Variants in TMBIM4 observed in about 807,000 individuals in gnomAD.
The protein encoded by TMBIM4 is transmembrane BAX inhibitor motif containing 4.
In TMBIM4, 28 loss-of-function variants were observed where a neutral mutation model predicts 27.7. The observed-to-expected ratio is 1.01, with a 90% CI of 0.75 to 1.38. The LOEUF (loss-of-function observed/expected upper bound fraction) is 1.38, where lower values mean the gene tolerates loss of function less well. TMBIM4 is among the 40% of genes most tolerant of loss of function. The pLI, the probability that TMBIM4 is intolerant of heterozygous loss-of-function variation, is 0.00. For missense variants in TMBIM4, 265 were observed against 277.5 expected (o/e 0.95, Z 0.32); for synonymous variants, 115 against 113.1 (o/e 1.02, Z -0.11).
chr12:66,157,372 A>C (rs1047064389), intron 1 of TMBIM4, among the ~76,000 whole-genome samples: 1 of 152,170 alleles, frequency 6.6e-6, no homozygotes, highest in Non-Finnish European at 1.5e-5. Context: ...CTTCACCCCC[A>C]GTCAAGCCTC....
rs181005946 is a variant in TMBIM4, at chr12:66,153,224, C to T, written c.206+116G>A. Reference sequence around the variant, plus strand: ...AATCAGGCTTATAAGAGTAAATGAACCTTTTTTACATTTTAACCTCAAAAG... The same window carrying T: ...AATCAGGCTTATAAGAGTAAATGAATCTTTTTTACATTTTAACCTCAAAAG... On this transcript the variant is annotated intron_variant, in intron 2 of 6. Transcript: ENST00000358230. 1.2e-5 allele frequency: 8 copies of T among 659,120 alleles called. No individual in the cohort carries two copies. In the East Asian group the frequency reaches 1.9e-4, roughly 15 times the overall value. The allele number at this position is 659,120 out of a possible 1,614,324, so 40.8% of individuals were successfully genotyped here.
chr12:66,148,923 T>C (rs1313548723), intron 3 of TMBIM4, among the ~76,000 whole-genome samples: 3 of 152,156 alleles, frequency 2.0e-5, no homozygotes, highest in Non-Finnish European at 2.9e-5. Flanking sequence ...AATCATCTGA[T>C]AGACCATATC....
intron 3 of TMBIM4, among the ~76,000 whole-genome samples, chr12:66,151,447 C>T (rs2051843872): frequency 6.6e-6 from 1 of 151,580 alleles, no homozygotes; most frequent in Non-Finnish European, 1.5e-5. Context: ...CTATGTTGCC[C>T]AGGCTGGTCT....
At chr12:66,144,791 CACAG>C (rs2051724859) in intron 5 of TMBIM4, 1 of 152,106 alleles carries the variant, frequency 6.6e-6, no homozygotes, top group African/African-American at 2.4e-5. Flanking sequence ...AAACAGCAGA[CACAG>C]ACAGACGCAC....
intron 1 of TMBIM4, among the ~76,000 whole-genome samples, chr12:66,165,597 T>C (rs2052112953): frequency 6.6e-6 from 1 of 152,176 alleles, no homozygotes; most frequent in Non-Finnish European, 1.5e-5. Context: ...GAATCTTCTT[T>C]AGTGGGGTAT....
chr12:66,146,014 C>T, intron 4 of TMBIM4, 56 bp from the exon 5 acceptor site: 1 of 877,656 alleles, frequency 1.1e-6, no homozygotes, highest in Non-Finnish European at 1.8e-6. Flanking sequence ...TACAAAACAG[C>T]TTTTTCTGGC....
chr12:66,141,074 A>C (rs1306054938), intron 5 of TMBIM4, among the ~76,000 whole-genome samples: 1 of 152,134 alleles, frequency 6.6e-6, no homozygotes, highest in Non-Finnish European at 1.5e-5. Flanking sequence ...GGTTTTTTTC[A>C]GACACAAAAG....
intron 2 of TMBIM4, 119 bp downstream of exon 2, chr12:66,153,221 G>T: frequency 1.5e-6 from 1 of 649,032 alleles, no homozygotes; most frequent in Non-Finnish European, 2.7e-6. Flanking sequence ...AAGAGTAAAT[G>T]AACCTTTTTT....
At position 66,138,714 on chromosome 12, in the gene TMBIM4, C is replaced by T. The variant is rs751014914; in HGVS notation, c.510+10G>A. ...TTATATTTCAAATTAACCATTATAACATAACTTACCTTCAAGAATCCTGAC... is the reference window on the plus strand; with the variant it reads ...TTATATTTCAAATTAACCATTATAATATAACTTACCTTCAAGAATCCTGAC... On this transcript the variant is annotated intron_variant, in intron 6 of 6. Coordinates refer to ENST00000358230, the MANE Select transcript of TMBIM4 (RefSeq NM_016056.4). 3.4e-5 allele frequency: 53 copies of T among 1,543,634 alleles called. 1 individual carries two copies. In the South Asian group the frequency reaches 5.0e-4, roughly 14 times the overall value.
chr12:66,156,205 C>T (rs922781677), intron 1 of TMBIM4, among the ~76,000 whole-genome samples: 2 of 152,086 alleles, frequency 1.3e-5, no homozygotes, highest in Admixed American at 6.5e-5. Flanking sequence ...CAAGATTTTC[C>T]AATTTTTGTT....
At chr12:66,150,088 G>A (rs2051820046) in intron 3 of TMBIM4, among the ~76,000 whole-genome samples, 1 of 152,192 alleles carries the variant, frequency 6.6e-6, no homozygotes, top group African/African-American at 2.4e-5. Flanking sequence ...TTGCCTATAA[G>A]CATTTGGTTG....
Position 66,153,346 on chromosome 12 carries a change from T to G in TMBIM4, c.200A>C (p.His67Pro). 1.3e-6 allele frequency: 2 copies of G among 1,545,032 alleles called. No individual in the cohort carries two copies. The highest frequency in any genetic ancestry group is 1.2e-5 in the South Asian group (1 of 84,930). The change falls in exon 2 of 7, where the codon CAT (histidine) becomes CCT (proline). Residue 67 changes from histidine (H) to proline (P), a missense_variant. His to Pro is a moderately conservative substitution (Grantham distance 77, BLOSUM62 -2). Coordinates refer to ENST00000358230, the MANE Select transcript of TMBIM4 (RefSeq NM_016056.4). ...LYFESVRTFVHESPALILLFA... is the reference protein window; with the variant it reads ...LYFESVRTFVPESPALILLFA... ...TACCATCTCATTACCTTACCTCTCA[T>G]GTACAAATGTCCGTACAGACTCAAA...
At chr12:66,162,327 T>C (rs922597084) in intron 1 of TMBIM4, among the ~76,000 whole-genome samples, 5 of 152,264 alleles carry the variant, frequency 3.3e-5, no homozygotes, top group Non-Finnish European at 5.9e-5. Flanking sequence ...TATTATAGTA[T>C]ATTGTTATAT....
intron 1 of TMBIM4, among the ~76,000 whole-genome samples, chr12:66,162,812 T>C (rs753406026): frequency 6.6e-6 from 1 of 152,072 alleles, no homozygotes; most frequent in Non-Finnish European, 1.5e-5. Context: ...TTTGTCTCTT[T>C]ATTTTGTTTT....
At position 66,137,919 on chromosome 12, in the gene TMBIM4, A is replaced by AT. The variant is rs759325116; in HGVS notation, c.*40dup. The AT allele has an allele frequency of 2.9e-5, 45 of 1,556,188 alleles. No individual in the cohort carries two copies. Among genetic ancestry groups the AT allele is most frequent in the East Asian group, 1.1e-4 (5 of 44,486 alleles). Reference sequence around the variant, plus strand: ...TACTTTAATCCTTTTTTCTCATTAAATTTTTTTTGTTGTTCTTCAGTTGAG... The same window carrying AT: ...TACTTTAATCCTTTTTTCTCATTAAATTTTTTTTTGTTGTTCTTCAGTTGAG... On this transcript the variant is annotated 3_prime_UTR_variant, in exon 7 of 7. Coordinates refer to ENST00000358230, the MANE Select transcript of TMBIM4 (RefSeq NM_016056.4).
chr12:66,144,780 G>A (rs1019851229), intron 5 of TMBIM4: 1 of 152,146 alleles, frequency 6.6e-6, no homozygotes, highest in African/African-American at 2.4e-5. Context: ...AGAATTATCA[G>A]AAACAGCAGA....
chr12:66,141,108 G>A (rs1410424402), intron 5 of TMBIM4, among the ~76,000 whole-genome samples: 3 of 151,944 alleles, frequency 2.0e-5, no homozygotes, highest in Non-Finnish European at 4.4e-5. Flanking sequence ...AATAAGAAAT[G>A]TTAAAAAGAA....
intron 3 of TMBIM4, among the ~76,000 whole-genome samples, chr12:66,148,335 T>G (rs2051785732): frequency 1.3e-5 from 2 of 152,220 alleles, no homozygotes. Flanking sequence ...AGTACTTTGG[T>G]GTGGGAGTCT....
At chr12:66,164,140 ACACT>A (rs2052087674) in intron 1 of TMBIM4, among the ~76,000 whole-genome samples, 1 of 152,236 alleles carries the variant, frequency 6.6e-6, no homozygotes, top group Non-Finnish European at 1.5e-5. Context: ...CATGATAAAA[ACACT>A]CAATAAAGTA....
Sources: allele counts gnomAD v4.1 joint callset (sites outside exome capture counted in the v4.1 genomes callset), GRCh38; gene constraint gnomAD v4.1.1; transcripts MANE v1.5; gene names NCBI Gene and HGNC (gene_info 2026-07-23, HGNC 2026-07-21).